The following HMGXB3 variants were observed in gnomAD, a reference collection of about 807,000 sequenced individuals.
The protein encoded by HMGXB3 is HMG-box containing 3, also known as HMG domain-containing protein 3.
Under a neutral mutation model 121.5 loss-of-function variants are expected in HMGXB3, and 45 were observed. The ratio of observed to expected loss-of-function variants is 0.37; its 90% CI spans 0.29 to 0.47. The LOEUF (loss-of-function observed/expected upper bound fraction) is 0.47, where lower values mean the gene tolerates loss of function less well. Among genes scored for constraint, HMGXB3 ranks in the 20% least tolerant of loss-of-function variants. HMGXB3 has a pLI of 0.99. For missense variants in HMGXB3, 1,376 were observed against 1,602.2 expected, an observed-to-expected ratio of 0.86 and a Z score of 2.41; for synonymous variants, 590 against 624.1, an observed-to-expected ratio of 0.95 and a Z score of 0.81.
chr5:150,052,334 T>G lies in HMGXB3; in HGVS notation c.*142T>G. ...GCTGGGACTGACCAAAGAGCTTCCA[T>G]TCCCTGAGCATGGTGGGACCCAGGG... On this transcript the variant is annotated 3_prime_UTR_variant, in exon 20 of 20. Coordinates refer to ENST00000502717, the MANE Select transcript of HMGXB3 (RefSeq NM_014983.3). 7.5e-6 allele frequency: 5 copies of G among 670,790 alleles called. No individual in the cohort carries two copies. Among genetic ancestry groups the G allele is most frequent in the Non-Finnish European group, 1.2e-5 (5 of 400,772 alleles). 41.6% of individuals were successfully genotyped at this position (670,790 alleles called of 1,614,324 possible).
Position 150,032,620 on chromosome 5 carries a change from A to G in HMGXB3, c.1983+17A>G. Reference sequence around the variant, plus strand: ...AAGGCTATCGTGAGTTCCTTCCCCCAAACACATCCCCTGGCCTGTTCTGGG... The same window carrying G: ...AAGGCTATCGTGAGTTCCTTCCCCCGAACACATCCCCTGGCCTGTTCTGGG... On this transcript the variant is annotated intron_variant, in intron 11 of 19. Coordinates refer to ENST00000502717, the MANE Select transcript of HMGXB3 (RefSeq NM_014983.3). 6.4e-7 allele frequency: 1 copy of G among 1,552,152 alleles called. No homozygotes were observed. The highest frequency in any genetic ancestry group is 8.7e-7 in the Non-Finnish European group (1 of 1,147,000).
At chr5:150,028,556 TATA>T (rs1249646373) in intron 9 of HMGXB3, among the ~76,000 whole-genome samples, 42 of 55,744 alleles carry the variant, frequency 7.5e-4, no homozygotes, top group African/African-American at 3.7e-3. Flanking sequence ...TATATATATA[TATA>T]TTTTTTTTTT....
Position 150,052,303 on chromosome 5 carries a change from C to G in HMGXB3, c.*111C>G, listed in dbSNP as rs1561895189. The G allele has an allele frequency of 1.2e-6, 1 of 860,900 alleles. No homozygotes were observed. Among genetic ancestry groups the G allele is most frequent in the South Asian group, 1.7e-5 (1 of 57,518 alleles). 53.3% of individuals were successfully genotyped at this position (860,900 alleles called of 1,614,324 possible). On this transcript the variant is annotated 3_prime_UTR_variant, in exon 20 of 20. Coordinates refer to ENST00000502717, the MANE Select transcript of HMGXB3 (RefSeq NM_014983.3). Reference sequence around the variant, plus strand: ...AAGTGGTCTCCTGTGGGGAGGGCCTCTGACTGCTGGGACTGACCAAAGAGC... The same window carrying G: ...AAGTGGTCTCCTGTGGGGAGGGCCTGTGACTGCTGGGACTGACCAAAGAGC...
intron 1 of HMGXB3, among the ~76,000 whole-genome samples, chr5:150,003,864 A>C (rs1176098964): frequency 6.6e-6 from 1 of 152,002 alleles, no homozygotes; most frequent in Non-Finnish European, 1.5e-5. Context: ...CTGAGGTGGA[A>C]GGATTGCTGA....
At chr5:150,033,805 G>A (rs1756437206) in intron 11 of HMGXB3, among the ~76,000 whole-genome samples, 1 of 152,132 alleles carries the variant, frequency 6.6e-6, no homozygotes, top group Admixed American at 6.5e-5. Context: ...TGTATATGGA[G>A]AGAGGCCTTT....
intron 19 of HMGXB3, among the ~76,000 whole-genome samples, 192 bp from the exon 20 acceptor site, chr5:150,051,533 G>C (rs2113766162): frequency 6.6e-6 from 1 of 152,298 alleles, no homozygotes; most frequent in Admixed American, 6.5e-5. Context: ...CTGGAAGGTG[G>C]CCACTGTTAC....
intron 7 of HMGXB3, among the ~76,000 whole-genome samples, chr5:150,025,660 C>T (rs1756211431): frequency 6.6e-6 from 1 of 152,144 alleles, no homozygotes; most frequent in Non-Finnish European, 1.5e-5. Flanking sequence ...CTCATCCTCC[C>T]AGGCTCAATC....
Position 150,041,874 on chromosome 5 carries a change from T to C in HMGXB3, c.2635T>C (p.Tyr879His). Reference protein sequence around the residue: ...WAFECLTVRDYNDMICGICGV... With the variant: ...WAFECLTVRDHNDMICGICGV... ...CTTTGAGTGCCTCACTGTCCGAGAC[T>C]ACAATGACATGATCTGTGGCATCTG... Residue 879 changes from tyrosine to histidine, a missense_variant, in exon 15 of 20, where the codon TAC becomes CAC. Tyr to His is a moderately conservative substitution (Grantham distance 83). This residue lies in a region of HMGXB3 where 1,116 missense variants were observed against 1,369.0 expected (regional missense o/e 0.82). Coordinates refer to ENST00000502717, the MANE Select transcript of HMGXB3 (RefSeq NM_014983.3). 1 of 1,551,770 alleles carries C rather than the reference T, an allele frequency of 6.4e-7. No individual in the cohort carries two copies. Among genetic ancestry groups the C allele is most frequent in the Non-Finnish European group, 8.7e-7 (1 of 1,146,986 alleles).
Position 150,043,817 on chromosome 5 carries a change from A to G in HMGXB3, c.2731-1649A>G, listed in dbSNP as rs143238951. ...CTTGCCCAAGCTCACCCAGCCAGAG[A>G]AGGGTGGGGCTGAGATTGACCTTGC... On this transcript the variant is annotated intron_variant, in intron 15 of 19. Transcript: ENST00000502717. Among the ~76,000 whole-genome samples the G allele has an allele frequency of 5.9e-3, 902 of 152,280 alleles. 10 individuals are homozygous for G. The highest frequency in any genetic ancestry group is 0.021 in the African/African-American group (862 of 41,538).
chr5:150,044,945 C>A (rs13178760), intron 15 of HMGXB3, among the ~76,000 whole-genome samples: 1 of 152,020 alleles, frequency 6.6e-6, no homozygotes, highest in African/African-American at 2.4e-5. Context: ...GGGAGGATGT[C>A]GGCAATCCAC....
intron 6 of HMGXB3, among the ~76,000 whole-genome samples, chr5:150,023,190 T>G (rs917015112): frequency 2.0e-5 from 3 of 152,064 alleles, no homozygotes; most frequent in Non-Finnish European, 2.9e-5. Flanking sequence ...GAGGGGTTTT[T>G]GGGTAGTAAG....
chr5:150,052,084 T>C lies in HMGXB3; in HGVS notation c.3771T>C (p.Pro1257=). 1 of 1,551,878 alleles carries C rather than the reference T, an allele frequency of 6.4e-7. No homozygotes were observed. The highest frequency in any genetic ancestry group is 8.7e-7 in the Non-Finnish European group (1 of 1,147,040). The part of the protein sequence containing the change: ...QIHDIVQSCQ[P]GEVVIRDTLY... ...ATGACATTGTACAGAGCTGCCAGCCTGGTGAGGTGGTCATTCGTGACACCC... is the reference window on the plus strand; with the variant it reads ...ATGACATTGTACAGAGCTGCCAGCCCGGTGAGGTGGTCATTCGTGACACCC... Residue 1257 remains proline (P), a synonymous_variant, in exon 20 of 20, where the codon CCT becomes CCC. Coordinates refer to ENST00000502717, the MANE Select transcript of HMGXB3 (RefSeq NM_014983.3).
At chr5:150,050,570 C>T (rs939707443) in intron 19 of HMGXB3, 109 bp downstream of exon 19, 7 of 815,808 alleles carry the variant, frequency 8.6e-6, no homozygotes, top group Non-Finnish European at 1.4e-5. Flanking sequence ...CAACCTCTGC[C>T]TCCCAGGTTC....
At position 150,045,691 on chromosome 5, in the gene HMGXB3, G is replaced by A. The variant is rs1436621714; in HGVS notation, c.2950+6G>A. The A allele has an allele frequency of 1.3e-6, 2 of 1,550,046 alleles. No homozygotes were observed. Among genetic ancestry groups the A allele is most frequent in the South Asian group, 1.2e-5 (1 of 84,020 alleles). ...GGATGTGCAGCCAGTACCTGGTAAG[G>A]CCACCTGGTGGCTGACTGGGGTCAA... On this transcript the variant is annotated splice_donor_region_variant and intron_variant, in intron 16 of 19. Transcript: ENST00000502717.
Position 150,045,463 on chromosome 5 carries a change from T to C in HMGXB3, c.2731-3T>C, listed in dbSNP as rs1756734623. 6.4e-7 allele frequency: 1 copy of C among 1,551,690 alleles called. No individual in the cohort carries two copies. Among genetic ancestry groups the C allele is most frequent in the East Asian group, 2.4e-5 (1 of 40,920 alleles). On this transcript the variant is annotated splice_region_variant and splice_polypyrimidine_tract_variant and intron_variant, in intron 15 of 19. Transcript: ENST00000502717. ...TTTGACCTTCTTTATCCTGACCTTCTAGTTCACCTGGCCTGAATTCCTGGG... is the reference window on the plus strand; with the variant it reads ...TTTGACCTTCTTTATCCTGACCTTCCAGTTCACCTGGCCTGAATTCCTGGG...
chr5:150,050,775 C>G (rs1465567826), intron 19 of HMGXB3, among the ~76,000 whole-genome samples: 1 of 152,212 alleles, frequency 6.6e-6, no homozygotes, highest in Non-Finnish European at 1.5e-5. Flanking sequence ...GCCACCACGC[C>G]CAGCCTACTC....
chr5:150,028,484 T>C (rs1756287070), intron 9 of HMGXB3, among the ~76,000 whole-genome samples: 2 of 130,156 alleles, frequency 1.5e-5, no homozygotes, highest in Admixed American at 8.2e-5. Context: ...GTTTGATATA[T>C]ATATGTATAT....
At position 150,000,879 on chromosome 5, in the gene HMGXB3, G is replaced by C. The variant is rs1755541998; in HGVS notation, c.-303G>C. ...GGCATCGGTGAGGAGCCTGCGGAGCGAACCTGTGCTCCTATTCTTGCCCTT... is the reference window on the plus strand; with the variant it reads ...GGCATCGGTGAGGAGCCTGCGGAGCCAACCTGTGCTCCTATTCTTGCCCTT... On this transcript the variant is annotated 5_prime_UTR_variant, in exon 1 of 20. Coordinates refer to ENST00000502717, the MANE Select transcript of HMGXB3 (RefSeq NM_014983.3). 6.5e-6 allele frequency: 1 copy of C among 154,786 alleles called. No homozygotes were observed. Among genetic ancestry groups the C allele is most frequent in the Non-Finnish European group, 1.5e-5 (1 of 68,214 alleles). The allele number at this position is 154,786 out of a possible 1,614,324, so 9.6% of individuals were successfully genotyped here. A position where few individuals can be genotyped will look rare whatever the true frequency, so the allele number is the denominator to read the frequency against.
chr5:150,028,497 ATGTATGTATGTG>A (rs1383176443), intron 9 of HMGXB3, among the ~76,000 whole-genome samples: 4 of 66,476 alleles, frequency 6.0e-5, no homozygotes, highest in African/African-American at 3.8e-4. Context: ...ATGTATATAT[ATGTATGTATGTG>A]TGTGTGTGTG....
Sources: gnomAD v4.1 joint callset for allele counts (sites outside exome capture counted in the v4.1 genomes callset) on GRCh38, gnomAD v4.1.1 for gene constraint, gnomAD v4.1.1 regional missense constraint, MANE v1.5 for transcripts, NCBI Gene and HGNC (gene_info 2026-07-23, HGNC 2026-07-21) for gene names.